The following TICRR variants were observed in gnomAD, a reference collection of about 807,000 sequenced individuals.
TICRR encodes treslin.
A neutral mutation model predicts 178.1 loss-of-function variants in TICRR; 132 were observed. The observed-to-expected ratio is 0.74, with a 90% CI of 0.64 to 0.86. The LOEUF (loss-of-function observed/expected upper bound fraction) is 0.86, where lower values mean the gene tolerates loss of function less well. Ranked by LOEUF, TICRR falls within the 40% of genes least tolerant of loss-of-function variation. The pLI is 0.00. For missense variants in TICRR, 2,587 were observed against 2,334.3 expected (o/e 1.11, Z -2.23); for synonymous variants, 991 against 900.7 (o/e 1.10, Z -1.79).
intron 8 of TICRR, among the ~76,000 whole-genome samples, chr15:89,600,234 G>A (rs892037434): frequency 6.6e-6 from 1 of 152,178 alleles, no homozygotes; most frequent in Non-Finnish European, 1.5e-5. Context: ...GTTTTAGACC[G>A]TGTTGTTGTT....
chr15:89,617,556 T>C (rs1963354522), intron 16 of TICRR, among the ~76,000 whole-genome samples: 2 of 152,158 alleles, frequency 1.3e-5, no homozygotes, highest in African/African-American at 4.8e-5. Flanking sequence ...GGAATCTCAC[T>C]CTGTCACTCA....
rs1238964896 is a variant in TICRR, at chr15:89,610,747, G to C, written c.2869+1798G>C. Among the ~76,000 whole-genome samples, 6 of 151,316 alleles carry C rather than the reference G, an allele frequency of 4.0e-5. No homozygotes were observed. The East Asian group carries it at 9.7e-4, about 24-fold the overall frequency. On this transcript the variant is annotated intron_variant, in intron 15 of 21. Transcript: ENST00000268138. ...CATTTTCTATGTTTTATGCTTTTTT[G>C]TTTCTCAATTCCTGTTTTTTTGTAT...
chr15:89,617,827 G>T (rs966242096), intron 16 of TICRR, among the ~76,000 whole-genome samples: 1 of 152,058 alleles, frequency 6.6e-6, no homozygotes, highest in Non-Finnish European at 1.5e-5. Context: ...AAGTAGCTGG[G>T]ACTACAGGCG....
At chr15:89,611,916 ATATT>A (rs1297610837) in intron 15 of TICRR, among the ~76,000 whole-genome samples, 3 of 152,126 alleles carry the variant, frequency 2.0e-5, no homozygotes, top group Non-Finnish European at 1.5e-5. Flanking sequence ...CTCATTGTGC[ATATT>A]TAGAGAAGTT....
Position 89,582,899 on chromosome 15 carries a change from T to C in TICRR, c.868T>C (p.Tyr290His). Residue 290 changes from tyrosine (Y) to histidine (H), a missense_variant, in exon 2 of 22, where the codon TAC (tyrosine) becomes CAC (histidine). By Grantham distance (83) the Tyr-to-His change is moderately conservative. Coordinates refer to ENST00000268138, the MANE Select transcript of TICRR (RefSeq NM_152259.4). ...TGATGCCACTTTAAACCGTTTGCTC[T>C]ACAATTCTCCTGAGTATGAGGCCTC... Reference protein sequence around the residue: ...PTDATLNRLLYNSPEYEASFP... With the variant: ...PTDATLNRLLHNSPEYEASFP... The C allele has an allele frequency of 1.2e-6, 2 of 1,614,200 alleles. No homozygotes were observed. Among genetic ancestry groups the C allele is most frequent in the Non-Finnish European group, 1.7e-6 (2 of 1,180,008 alleles).
chr15:89,601,560 T>C lies in TICRR; in HGVS notation c.2319T>C (p.Ile773=). The C allele has an allele frequency of 6.2e-7, 1 of 1,614,100 alleles. No individual in the cohort carries two copies. Among genetic ancestry groups the C allele is most frequent in the Non-Finnish European group, 8.5e-7 (1 of 1,179,982 alleles). ...SAYLAEFLEE[I]LRLYIDSIPK... is the part of the protein sequence containing the mutation. ...ACCTAGCAGAGTTTCTGGAGGAAATTTTGAGATTGTAAGTTTGATGGTTAC... is the reference window on the plus strand; with the variant it reads ...ACCTAGCAGAGTTTCTGGAGGAAATCTTGAGATTGTAAGTTTGATGGTTAC... The change falls in exon 11 of 22, where the codon ATT becomes ATC. Residue 773 remains isoleucine (I), a synonymous_variant. Transcript: ENST00000268138.
chr15:89,580,578 T>C (rs1390095764), intron 1 of TICRR, among the ~76,000 whole-genome samples: 1 of 152,232 alleles, frequency 6.6e-6, no homozygotes, highest in African/African-American at 2.4e-5. Context: ...TTGATATTCA[T>C]GACTGAAAAG....
chr15:89,587,211 C>A (rs564990509), intron 4 of TICRR, among the ~76,000 whole-genome samples: 12 of 152,212 alleles, frequency 7.9e-5, no homozygotes, highest in African/African-American at 2.6e-4. Context: ...CAGTTTCTTT[C>A]TGAGATAGGG....
intron 7 of TICRR, among the ~76,000 whole-genome samples, chr15:89,596,233 C>A (rs1257920528): frequency 6.6e-6 from 1 of 152,180 alleles, no homozygotes; most frequent in Non-Finnish European, 1.5e-5. Context: ...CAAAATTAGA[C>A]CTTACTTTTA....
intron 15 of TICRR, among the ~76,000 whole-genome samples, chr15:89,615,370 C>A (rs1963319004): frequency 6.6e-6 from 1 of 152,148 alleles, no homozygotes; most frequent in South Asian, 2.1e-4. Context: ...CCAGAGGCTG[C>A]TGGGCTGTTG....
chr15:89,618,198 G>GA lies in TICRR; in HGVS notation c.3012dup (p.Gly1005ArgfsTer3). On this transcript the variant is annotated frameshift_variant, in exon 17 of 22. Coordinates refer to ENST00000268138, the MANE Select transcript of TICRR (RefSeq NM_152259.4). LOFTEE classifies it high-confidence loss of function. Reference sequence around the variant, plus strand: ...TATTGGTGTTGTTGAAGAGTCCCCTGAAAAAGGAGATGGTGAGTGTTATCT... The same window carrying GA: ...TATTGGTGTTGTTGAAGAGTCCCCTGAAAAAAGGAGATGGTGAGTGTTATCT... 1 of 1,614,126 alleles carries GA rather than the reference G, an allele frequency of 6.2e-7. No homozygotes were observed. The highest frequency in any genetic ancestry group is 1.7e-5 in the Admixed American group (1 of 60,024).
rs775505329 is a variant in TICRR, at chr15:89,619,801, G to T, written c.3113G>T (p.Arg1038Leu). 3 of 1,613,878 alleles carry T rather than the reference G, an allele frequency of 1.9e-6. No individual in the cohort carries two copies. Among genetic ancestry groups the T allele is most frequent in the Admixed American group, 1.7e-5 (1 of 59,928 alleles). The change falls in exon 18 of 22, where the codon CGA becomes CTA. Residue 1038 changes from arginine to leucine, a missense_variant. Transcript: ENST00000268138. ...SFYSVSQPKS[R>L]SVQRVHSFQQ... The stretch of plus-strand genomic sequence containing the variant: ...TATTCTGTGTCTCAGCCGAAGTCTC[G>T]AAGTGTGCAAAGAGTCCACTCTTTC...
chr15:89,576,015 C>A lies in TICRR; in HGVS notation c.429C>A (p.Ala143=), dbSNP rs1429206965. The part of the protein sequence containing the change: ...LLDVESEAKE[A]EAALGGLVNA... ...ACGTGGAGAGCGAGGCCAAGGAGGC[C>A]GAGGCCGCGCTCGGGGGCTTGGTGA... Residue 143 remains alanine (A), a synonymous_variant, in exon 1 of 22, where the codon GCC becomes GCA. Coordinates refer to ENST00000268138, the MANE Select transcript of TICRR (RefSeq NM_152259.4). The A allele has an allele frequency of 6.2e-7, 1 of 1,608,654 alleles. No individual in the cohort carries two copies. Among genetic ancestry groups the A allele is most frequent in the Non-Finnish European group, 8.5e-7 (1 of 1,178,470 alleles).
At chr15:89,579,950 A>C (rs182823339) in intron 1 of TICRR, 2 of 152,334 alleles carry the variant, frequency 1.3e-5, no homozygotes, top group East Asian at 3.9e-4. Flanking sequence ...CATTAAGCAG[A>C]CTACGCCATG....
intron 5 of TICRR, among the ~76,000 whole-genome samples, chr15:89,593,067 G>A (rs1406143372): frequency 6.6e-6 from 1 of 152,158 alleles, no homozygotes; most frequent in African/African-American, 2.4e-5. Context: ...CTAAACTTTG[G>A]TTTCGTTTTT....
At chr15:89,626,241 CATGTGA>C (rs1963523843) in intron 21 of TICRR, among the ~76,000 whole-genome samples, 180 bp downstream of exon 21, 1 of 152,190 alleles carries the variant, frequency 6.6e-6, no homozygotes. Context: ...AACTTGTGTG[CATGTGA>C]ACAGAAGCCC....
intron 15 of TICRR, 80 bp from the exon 16 acceptor site, chr15:89,616,325 C>A: frequency 1.6e-6 from 2 of 1,230,398 alleles, no homozygotes; most frequent in South Asian, 1.3e-5. Flanking sequence ...TACAGAAGTT[C>A]AAACTGCTCC....
Position 89,582,755 on chromosome 15 carries a change from G to A in TICRR, c.724G>A (p.Val242Ile), listed in dbSNP as rs774824343. ...CELLHHGGGT[V>I]LPSESFSWDF... Reference sequence around the variant, plus strand: ...ACTGCTCCACCACGGAGGTGGCACTGTCTTGCCATCTGAATCTTTCAGCTG... The same window carrying A: ...ACTGCTCCACCACGGAGGTGGCACTATCTTGCCATCTGAATCTTTCAGCTG... Residue 242 changes from valine (V) to isoleucine (I), a missense_variant, in exon 2 of 22, where the codon GTC becomes ATC. Transcript: ENST00000268138. The A allele has an allele frequency of 6.2e-7, 1 of 1,614,186 alleles. No homozygotes were observed. The highest frequency in any genetic ancestry group is 8.5e-7 in the Non-Finnish European group (1 of 1,180,006).
Position 89,625,629 on chromosome 15 carries a change from G to T in TICRR, c.5319G>T (p.Arg1773Ser). 1 of 1,613,436 alleles carries T rather than the reference G, an allele frequency of 6.2e-7. No homozygotes were observed. The highest frequency in any genetic ancestry group is 8.5e-7 in the Non-Finnish European group (1 of 1,180,014). The change falls in exon 20 of 22, where the codon AGG becomes AGT. Residue 1773 changes from arginine (R) to serine (S), a missense_variant. Physicochemically the swap from Arg to Ser is moderately radical, Grantham distance 110 (BLOSUM62 -1). Coordinates refer to ENST00000268138, the MANE Select transcript of TICRR (RefSeq NM_152259.4). ...GGGGACAGTTTGGGTTGAGTTCCAG[G>T]AAGAGAGTCCTGTTGGCCAAGGAAG... ...SSWGQFGLSS[R>S]KRVLLAKEEA...
Sources: gnomAD v4.1 joint callset for allele counts (sites outside exome capture counted in the v4.1 genomes callset) on GRCh38, gnomAD v4.1.1 for gene constraint, MANE v1.5 for transcripts, NCBI Gene and HGNC (gene_info 2026-07-23, HGNC 2026-07-21) for gene names.